The following SPAG16 variants were observed in gnomAD, a reference collection of about 807,000 sequenced individuals.
SPAG16 encodes the protein sperm-associated antigen 16 protein.
SPAG16 carries 86 observed loss-of-function variants against 80.4 expected under a neutral mutation model. The ratio of observed to expected loss-of-function variants is 1.07; its 90% CI spans 0.90 to 1.28. The LOEUF (loss-of-function observed/expected upper bound fraction) is 1.28. SPAG16 is among the 50% of genes most tolerant of loss of function. The probability of loss-of-function intolerance (pLI) is 0.00; values close to 1 mark genes in which losing one functional copy is unlikely to be tolerated. For synonymous variants in SPAG16, 294 were observed against 265.9 expected, an observed-to-expected ratio of 1.11 and a Z score of -1.03; for missense variants, 870 against 765.3, an observed-to-expected ratio of 1.14 and a Z score of -1.61.
At chr2:214,219,345 G>A (rs528786261) in intron 15 of SPAG16, among the ~76,000 whole-genome samples, 49 of 152,050 alleles carry the variant, frequency 3.2e-4, no homozygotes, top group African/African-American at 1.0e-3. Flanking sequence ...TAGAAACTTT[G>A]TAAAGTAAAA....
intron 10 of SPAG16, among the ~76,000 whole-genome samples, chr2:213,700,370 G>A (rs534003351): frequency 2.5e-4 from 38 of 152,134 alleles, no homozygotes; most frequent in African/African-American, 8.9e-4. Flanking sequence ...CTTTTAAAAT[G>A]TATGACATAA....
At chr2:213,862,452 C>T (rs1490902833) in intron 10 of SPAG16, 33 bp from the exon 11 acceptor site, 1 of 1,608,050 alleles carries the variant, frequency 6.2e-7, no homozygotes, top group South Asian at 1.1e-5. Flanking sequence ...GCTATTATCT[C>T]CCCATAACTC....
intron 10 of SPAG16, among the ~76,000 whole-genome samples, chr2:213,693,423 T>C (rs1202528827): frequency 6.6e-6 from 1 of 152,230 alleles, no homozygotes; most frequent in Non-Finnish European, 1.5e-5. Flanking sequence ...CAGTTTTACA[T>C]GTTTGCTTCG....
chr2:213,588,519 A>G (rs2060548629), intron 10 of SPAG16, among the ~76,000 whole-genome samples: 1 of 150,766 alleles, frequency 6.6e-6, no homozygotes, highest in Admixed American at 6.6e-5. Flanking sequence ...CTCCCTATCC[A>G]TGGCCGGGCG....
intron 9 of SPAG16, among the ~76,000 whole-genome samples, chr2:213,392,924 C>T (rs2067837247): frequency 6.6e-6 from 1 of 151,452 alleles, no homozygotes; most frequent in African/African-American, 2.4e-5. Context: ...AATATATTTA[C>T]CAAAATATTT....
intron 10 of SPAG16, among the ~76,000 whole-genome samples, chr2:213,817,023 A>G (rs2125682438): frequency 6.6e-6 from 1 of 152,064 alleles, no homozygotes; most frequent in South Asian, 2.1e-4. Flanking sequence ...GTATTTTCTT[A>G]TAGAGCCTGA....
At chr2:214,369,929 T>G in intron 15 of SPAG16, among the ~76,000 whole-genome samples, 1 of 152,248 alleles carries the variant, frequency 6.6e-6, no homozygotes, top group South Asian at 2.1e-4. Flanking sequence ...TTTAAAAGAA[T>G]TAAAAATAAA....
At chr2:214,300,325 A>G (rs1576718941) in intron 15 of SPAG16, among the ~76,000 whole-genome samples, 1 of 152,300 alleles carries the variant, frequency 6.6e-6, no homozygotes, top group East Asian at 1.9e-4. Context: ...AAGGATCAGT[A>G]ATCTTTTAAG....
chr2:213,420,659 T>C (rs1322125837), intron 9 of SPAG16, among the ~76,000 whole-genome samples: 1 of 152,246 alleles, frequency 6.6e-6, no homozygotes, highest in Non-Finnish European at 1.5e-5. Context: ...TATTCTGTGT[T>C]ATGTAAAATT....
At chr2:213,290,879 A>G (rs1433828788) in intron 1 of SPAG16, among the ~76,000 whole-genome samples, 1 of 152,194 alleles carries the variant, frequency 6.6e-6, no homozygotes, top group African/African-American at 2.4e-5. Flanking sequence ...ACAGTACTCC[A>G]TCACATCCTA....
intron 10 of SPAG16, among the ~76,000 whole-genome samples, chr2:213,662,354 T>A (rs2063457735): frequency 2.6e-5 from 4 of 152,070 alleles, no homozygotes; most frequent in Admixed American, 2.0e-4. Flanking sequence ...GAACACAGAA[T>A]ATCCAAGGAA....
chr2:214,009,203 T>C (rs949162153), intron 12 of SPAG16, among the ~76,000 whole-genome samples: 2 of 152,088 alleles, frequency 1.3e-5, no homozygotes, highest in Non-Finnish European at 2.9e-5. Context: ...CTACTGCCAT[T>C]CCCAGCTCAG....
intron 15 of SPAG16, among the ~76,000 whole-genome samples, chr2:214,393,676 A>G (rs980306243): frequency 2.6e-5 from 4 of 152,148 alleles, no homozygotes; most frequent in African/African-American, 9.7e-5. Context: ...TGATTGGAAC[A>G]AAGGATATTT....
At chr2:213,311,324 T>A (rs1363879713) in intron 4 of SPAG16, among the ~76,000 whole-genome samples, 8 of 151,738 alleles carry the variant, frequency 5.3e-5, no homozygotes, top group Non-Finnish European at 1.0e-4. Flanking sequence ...ACAGTGCTAA[T>A]AAAGTGAAAG....
At chr2:213,416,534 A>G (rs1345276918) in intron 9 of SPAG16, among the ~76,000 whole-genome samples, 3 of 149,464 alleles carry the variant, frequency 2.0e-5, no homozygotes, top group African/African-American at 7.4e-5. Context: ...TTTAGGCAGC[A>G]TTACTTGACT....
chr2:213,549,481 C>G (rs2076720533), intron 10 of SPAG16, among the ~76,000 whole-genome samples: 2 of 152,150 alleles, frequency 1.3e-5, no homozygotes, highest in South Asian at 2.1e-4. Context: ...TTACTTCTCA[C>G]TCTGCAGTCC....
chr2:214,193,395 A>ATGTGTGTGTGTGTGTG (rs60839638), intron 15 of SPAG16, among the ~76,000 whole-genome samples: 14 of 124,350 alleles, frequency 1.1e-4, no homozygotes, highest in Non-Finnish European at 1.2e-4. Context: ...GAGATCTTTT[A>ATGTGTGTGTGTGTGTG]TGTGTGTGTG....
At chr2:213,883,083 T>C (rs181875670) in intron 11 of SPAG16, among the ~76,000 whole-genome samples, 261 of 152,200 alleles carry the variant, frequency 1.7e-3, no homozygotes, top group Middle Eastern at 6.8e-3. Context: ...AGCCAGTTCC[T>C]TTAGGTGCAA....
intron 14 of SPAG16, among the ~76,000 whole-genome samples, chr2:214,131,275 T>A: frequency 6.6e-6 from 1 of 151,304 alleles, no homozygotes; most frequent in East Asian, 1.9e-4. Flanking sequence ...GAAGTTGAAG[T>A]GGGAGGATGG....
Sources: allele counts gnomAD v4.1 joint callset (sites outside exome capture counted in the v4.1 genomes callset), GRCh38; gene constraint gnomAD v4.1.1; transcripts MANE v1.5; gene names NCBI Gene and HGNC (gene_info 2026-07-23, HGNC 2026-07-21).